DCAF5: variants seen among roughly 807,000 people sequenced by gnomAD.
The protein encoded by DCAF5 is DDB1 and CUL4 associated factor 5.
A neutral mutation model predicts 80.7 loss-of-function variants in DCAF5; 9 were observed. The ratio of observed to expected loss-of-function variants is 0.11; its 90% CI spans 0.07 to 0.19. The LOEUF is 0.19. Among genes scored for constraint, DCAF5 ranks in the 10% least tolerant of loss-of-function variants. DCAF5 has a pLI of 1.00. For synonymous variants in DCAF5, 433 were observed against 461.9 expected (o/e 0.94, Z 0.80); for missense variants, 842 against 1,205.7 (o/e 0.70, Z 4.47).
intron 1 of DCAF5, among the ~76,000 whole-genome samples, chr14:69,133,607 G>A (rs2041106070): frequency 6.6e-6 from 1 of 152,130 alleles, no homozygotes; most frequent in Non-Finnish European, 1.5e-5. Flanking sequence ...CACAAATTTT[G>A]CTCTTCACTA....
rs916172192 is a variant in DCAF5 at position 69,118,364 on chromosome 14, T to A, written c.396-86A>T. 1.5e-6 allele frequency: 2 copies of A among 1,366,556 alleles called. No individual in the cohort carries two copies. The highest frequency in any genetic ancestry group is 2.9e-5 in the African/African-American group (2 of 69,584). The allele number at this position is 1,366,556 out of a possible 1,614,324, so 84.7% of individuals were successfully genotyped here. On this transcript the variant is annotated intron_variant, in intron 3 of 8. Transcript: ENST00000341516. The surrounding 1 kb of genome is among the most constrained non-coding windows in gnomAD (Gnocchi z 4.0). ...CAGCACTTTGGTACCGAGGGTGCCA[T>A]CTTTTCCATTTCTAGAAGAAAGTCA...
chr14:69,064,637 A>G (rs1424097685), intron 7 of DCAF5, among the ~76,000 whole-genome samples: 2 of 152,208 alleles, frequency 1.3e-5, no homozygotes, highest in Non-Finnish European at 2.9e-5. Context: ...CAGTTATTAG[A>G]TAGGTGGTTT....
At chr14:69,109,463 A>G (rs1226119097) in intron 5 of DCAF5, among the ~76,000 whole-genome samples, 1 of 152,172 alleles carries the variant, frequency 6.6e-6, no homozygotes, top group Non-Finnish European at 1.5e-5. Context: ...ATAGAACCCC[A>G]GAAGTTTCCC....
chr14:69,129,868 T>C (rs1237339033), intron 1 of DCAF5, among the ~76,000 whole-genome samples: 2 of 152,174 alleles, frequency 1.3e-5, no homozygotes, highest in African/African-American at 2.4e-5. Context: ...TCACAAACAA[T>C]TGCTTACCTT....
intron 4 of DCAF5, among the ~76,000 whole-genome samples, chr14:69,116,888 A>C (rs747999094): frequency 1.3e-5 from 2 of 152,216 alleles, no homozygotes; most frequent in Non-Finnish European, 2.9e-5. Flanking sequence ...CAATTGTATT[A>C]GTTTTAGAAA....
At chr14:69,107,446 AC>A (rs1458746747) in intron 5 of DCAF5, among the ~76,000 whole-genome samples, 1 of 152,016 alleles carries the variant, frequency 6.6e-6, no homozygotes, top group Admixed American at 6.6e-5. Context: ...CAAACCAACA[AC>A]TCAATCTCTA....
chr14:69,076,575 T>G (rs2038907739), intron 6 of DCAF5, among the ~76,000 whole-genome samples: 1 of 152,144 alleles, frequency 6.6e-6, no homozygotes, highest in Non-Finnish European at 1.5e-5. Context: ...TATGAGGCAC[T>G]TAGAGTAATA....
At chr14:69,085,169 G>A (rs549513021) in intron 6 of DCAF5, 1 of 740,480 alleles carries the variant, frequency 1.4e-6, no homozygotes, top group South Asian at 1.4e-5. Context: ...CTCTGAAACA[G>A]ATCTTTAATG....
chr14:69,076,386 C>T (rs1248920350), intron 6 of DCAF5, among the ~76,000 whole-genome samples: 1 of 152,098 alleles, frequency 6.6e-6, no homozygotes, highest in African/African-American at 2.4e-5. Flanking sequence ...TGGAAACAAC[C>T]CAAGGGTCTA....
At chr14:69,075,445 A>C in intron 6 of DCAF5, 34 bp from the exon 7 acceptor site, 3 of 1,296,334 alleles carry the variant, frequency 2.3e-6, no homozygotes, top group Non-Finnish European at 3.1e-6. Flanking sequence ...ATAACATTAT[A>C]TATTATAATA....
At chr14:69,085,184 A>G in intron 6 of DCAF5, 1 of 731,916 alleles carries the variant, frequency 1.4e-6, no homozygotes, top group Non-Finnish European at 2.5e-6. Flanking sequence ...TTAATGTTTA[A>G]TAACTTAAAT....
chr14:69,073,384 C>T (rs2038776152), intron 7 of DCAF5, among the ~76,000 whole-genome samples: 1 of 152,072 alleles, frequency 6.6e-6, no homozygotes. Flanking sequence ...GGACTTCTAG[C>T]CTGCAGAACT....
chr14:69,071,383 C>T (rs1262737028), intron 7 of DCAF5, among the ~76,000 whole-genome samples: 2 of 152,150 alleles, frequency 1.3e-5, no homozygotes, highest in South Asian at 2.1e-4. Context: ...TTGACTTTGG[C>T]TCACACTCAG....
chr14:69,101,544 GAGAGT>G, intron 5 of DCAF5, among the ~76,000 whole-genome samples: 1 of 152,178 alleles, frequency 6.6e-6, no homozygotes, highest in East Asian at 1.9e-4. Context: ...TGACGCAACA[GAGAGT>G]CAAAGGTTGA....
chr14:69,140,884 A>T (rs2041348291), intron 1 of DCAF5, among the ~76,000 whole-genome samples: 1 of 152,098 alleles, frequency 6.6e-6, no homozygotes, highest in Admixed American at 6.6e-5. Context: ...TGGGAGGCTG[A>T]GGCGGGCAGA....
At chr14:69,106,359 C>A (rs1325427790) in intron 5 of DCAF5, among the ~76,000 whole-genome samples, 11 of 151,036 alleles carry the variant, frequency 7.3e-5, no homozygotes, top group Admixed American at 7.3e-4. Context: ...CCCACCTTAA[C>A]TGTTTTTTAA....
intron 7 of DCAF5, among the ~76,000 whole-genome samples, chr14:69,067,108 T>C (rs899507669): frequency 8.5e-5 from 13 of 152,226 alleles, no homozygotes; most frequent in Non-Finnish European, 1.3e-4. Flanking sequence ...TTTCCCCTGC[T>C]AGAACATAAG....
At chr14:69,149,456 G>A (rs183978738) in intron 1 of DCAF5, 1 of 152,112 alleles carries the variant, frequency 6.6e-6, no homozygotes, top group Admixed American at 6.5e-5. Context: ...ATTTTCTCCG[G>A]TTTACTCAAT....
At chr14:69,085,248 C>G (rs751327399) in intron 6 of DCAF5, 3 of 709,812 alleles carry the variant, frequency 4.2e-6, no homozygotes, top group African/African-American at 1.8e-5. Flanking sequence ...TTGATCTGAA[C>G]GTCAACAGCA....
Sources: allele counts gnomAD v4.1 joint callset (sites outside exome capture counted in the v4.1 genomes callset), GRCh38; gene constraint gnomAD v4.1.1; non-coding constraint Gnocchi (gnomAD v3.1); transcripts MANE v1.5; gene names NCBI Gene and HGNC (gene_info 2026-07-23, HGNC 2026-07-21).